The following NCOA2 variants were observed in gnomAD, a reference collection of about 807,000 sequenced individuals.
The protein encoded by NCOA2 is nuclear receptor coactivator 2, also known as class E basic helix-loop-helix protein 75.
Under a neutral mutation model 145.1 loss-of-function variants are expected in NCOA2, and 21 were observed. The observed-to-expected ratio is 0.14, with a 90% CI of 0.10 to 0.21. The LOEUF (loss-of-function observed/expected upper bound fraction) is 0.21, where lower values mean the gene tolerates loss of function less well. Among genes scored for constraint, NCOA2 ranks in the 10% least tolerant of loss-of-function variants. The probability of loss-of-function intolerance (pLI) is 1.00; values close to 1 mark genes in which losing one functional copy is unlikely to be tolerated. For synonymous variants in NCOA2, 619 were observed against 637.5 expected, an observed-to-expected ratio of 0.97 and a Z score of 0.44; for missense variants, 1,472 against 1,837.6, an observed-to-expected ratio of 0.80 and a Z score of 3.64.
intron 4 of NCOA2, among the ~76,000 whole-genome samples, chr8:70,211,675 C>T (rs913264296): frequency 1.3e-5 from 2 of 152,080 alleles, no homozygotes; most frequent in East Asian, 1.9e-4. Context: ...CTAAATGGAC[C>T]AGGATTCATA....
chr8:70,194,597 T>A (rs2133346863), intron 4 of NCOA2, among the ~76,000 whole-genome samples: 1 of 152,138 alleles, frequency 6.6e-6, no homozygotes, highest in East Asian at 1.9e-4. Context: ...AAGCCTGGTA[T>A]CCAATATTCT....
At chr8:70,188,969 A>G (rs1816374794) in intron 4 of NCOA2, among the ~76,000 whole-genome samples, 1 of 152,218 alleles carries the variant, frequency 6.6e-6, no homozygotes, top group Admixed American at 6.5e-5. Flanking sequence ...CTCTCAGTAG[A>G]ATAAAACATG....
chr8:70,251,946 A>C (rs1274111945), intron 2 of NCOA2, among the ~76,000 whole-genome samples: 1 of 152,186 alleles, frequency 6.6e-6, no homozygotes, highest in East Asian at 1.9e-4. Context: ...TGGATACTCA[A>C]ATCCTCAGAT....
At chr8:70,126,697 A>C in intron 19 of NCOA2, 116 bp downstream of exon 19, 1 of 893,304 alleles carries the variant, frequency 1.1e-6, no homozygotes, top group Non-Finnish European at 1.8e-6. Context: ...TTCCCTGGTT[A>C]GCCAGATTCA....
chr8:70,249,979 AGAAG>A (rs1195580783), intron 2 of NCOA2, among the ~76,000 whole-genome samples: 5 of 102,706 alleles, frequency 4.9e-5, no homozygotes, highest in Non-Finnish European at 6.7e-5. Context: ...AAAAAAAAAA[AGAAG>A]AAGAAGAAGA....
At chr8:70,188,275 G>A (rs2133179144) in intron 4 of NCOA2, among the ~76,000 whole-genome samples, 1 of 152,324 alleles carries the variant, frequency 6.6e-6, no homozygotes, top group South Asian at 2.1e-4. Context: ...ACGGACAGTG[G>A]GCTTCCCAGA....
intron 1 of NCOA2, among the ~76,000 whole-genome samples, chr8:70,316,665 G>C (rs1805605264): frequency 6.6e-6 from 1 of 151,526 alleles, no homozygotes; most frequent in Non-Finnish European, 1.5e-5. Context: ...TCCCAAAACA[G>C]ATCAGTTTTT....
chr8:70,333,159 A>T (rs535242466), intron 1 of NCOA2, among the ~76,000 whole-genome samples: 5 of 152,296 alleles, frequency 3.3e-5, no homozygotes, highest in African/African-American at 1.2e-4. Context: ...TTTATCAAAG[A>T]GCTGGCTGGA....
At chr8:70,380,335 TTC>T (rs1477536376) in intron 1 of NCOA2, among the ~76,000 whole-genome samples, 1 of 152,140 alleles carries the variant, frequency 6.6e-6, no homozygotes, top group African/African-American at 2.4e-5. Flanking sequence ...CAAACCTAAA[TTC>T]TCTGTCAAGG....
At chr8:70,311,321 G>A (rs530637559) in intron 1 of NCOA2, among the ~76,000 whole-genome samples, 1 of 152,088 alleles carries the variant, frequency 6.6e-6, no homozygotes, top group East Asian at 1.9e-4. Context: ...TGTCAGTATC[G>A]CACAGATGAC....
chr8:70,129,871 T>C (rs1011044277), intron 16 of NCOA2, among the ~76,000 whole-genome samples: 1 of 152,196 alleles, frequency 6.6e-6, no homozygotes, highest in Non-Finnish European at 1.5e-5. Flanking sequence ...GGTTTCTCCA[T>C]GTTGGTCAGG....
intron 1 of NCOA2, among the ~76,000 whole-genome samples, chr8:70,338,335 T>C (rs1363639109): frequency 6.6e-6 from 1 of 151,630 alleles, no homozygotes; most frequent in Non-Finnish European, 1.5e-5. Flanking sequence ...AATAGAAAAA[T>C]CTAGAAAATA....
chr8:70,234,024 C>T (rs1821381274), intron 2 of NCOA2, among the ~76,000 whole-genome samples: 1 of 152,138 alleles, frequency 6.6e-6, no homozygotes, highest in Admixed American at 6.5e-5. Flanking sequence ...CCCATTCTCT[C>T]CTCTCCCAGC....
intron 4 of NCOA2, among the ~76,000 whole-genome samples, chr8:70,177,497 C>T (rs997256431): frequency 6.6e-6 from 1 of 152,054 alleles, no homozygotes; most frequent in African/African-American, 2.4e-5. Flanking sequence ...CAAGTGGGAT[C>T]GAGGGTGTGT....
intron 1 of NCOA2, among the ~76,000 whole-genome samples, chr8:70,378,219 G>A (rs1287913788): frequency 6.6e-6 from 1 of 152,186 alleles, no homozygotes; most frequent in Non-Finnish European, 1.5e-5. Flanking sequence ...CCAGGTGGGA[G>A]GACTGCATGA....
At chr8:70,282,099 C>G (rs1563719235) in intron 2 of NCOA2, among the ~76,000 whole-genome samples, 1 of 152,146 alleles carries the variant, frequency 6.6e-6, no homozygotes, top group Admixed American at 6.5e-5. Context: ...CTAACCCCAA[C>G]AAATTAGTGT....
At chr8:70,413,198 T>C in the NCOA2 span, among the ~76,000 whole-genome samples, 4 of 152,250 alleles carry the variant, frequency 2.6e-5, no homozygotes, top group Non-Finnish European at 4.4e-5. Context: ...TGTGTGTGTG[T>C]CTTTCTTTAC....
At chr8:70,202,757 T>C (rs1248856341) in intron 4 of NCOA2, among the ~76,000 whole-genome samples, 2 of 152,206 alleles carry the variant, frequency 1.3e-5, no homozygotes, top group Non-Finnish European at 2.9e-5. Flanking sequence ...AGATCCACTG[T>C]ACAACAATGT....
At chr8:70,239,417 A>T (rs903898047) in intron 2 of NCOA2, among the ~76,000 whole-genome samples, 1 of 152,092 alleles carries the variant, frequency 6.6e-6, no homozygotes, top group African/African-American at 2.4e-5. Context: ...GAAACACAAG[A>T]CCTACAGTCT....
Sources: allele counts gnomAD v4.1 joint callset (sites outside exome capture counted in the v4.1 genomes callset), GRCh38; gene constraint gnomAD v4.1.1; transcripts MANE v1.5; gene names NCBI Gene and HGNC (gene_info 2026-07-23, HGNC 2026-07-21).